Variants in CSMD1 observed in about 807,000 individuals in gnomAD.
CSMD1 encodes CUB and sushi domain-containing protein 1.
Under a neutral mutation model 417.5 loss-of-function variants are expected in CSMD1, and 213 were observed. The observed-to-expected ratio is 0.51, with a 90% CI of 0.46 to 0.57. CSMD1 has a LOEUF of 0.57. Among genes scored for constraint, CSMD1 ranks in the 20% least tolerant of loss-of-function variants. CSMD1 has a pLI of 0.00. For synonymous variants in CSMD1, 2,862 were observed against 1,736.8 expected (o/e 1.65, Z -16.11); for missense variants, 6,923 against 4,529.7 (o/e 1.53, Z -15.17).
At chr8:3,960,168 G>A (rs555194248) in intron 5 of CSMD1, among the ~76,000 whole-genome samples, 1 of 152,098 alleles carries the variant, frequency 6.6e-6, no homozygotes, top group Non-Finnish European at 1.5e-5. Context: ...GTATCTTCTT[G>A]TATGTTGCCT....
intron 3 of CSMD1, among the ~76,000 whole-genome samples, chr8:4,289,401 G>C (rs946348843): frequency 1.4e-4 from 6 of 42,372 alleles, no homozygotes; most frequent in Admixed American, 7.9e-4. Context: ...TTAAAGTAGA[G>C]GGAGCCAGGG....
At chr8:3,046,573 C>T (rs1404271200) in intron 50 of CSMD1, among the ~76,000 whole-genome samples, 2 of 152,180 alleles carry the variant, frequency 1.3e-5, no homozygotes, top group Non-Finnish European at 2.9e-5. Context: ...GTACAGGCTG[C>T]TGGAATGGAC....
intron 5 of CSMD1, among the ~76,000 whole-genome samples, chr8:3,806,318 A>C (rs1294168898): frequency 6.6e-6 from 1 of 152,156 alleles, no homozygotes; most frequent in South Asian, 2.1e-4. Flanking sequence ...TCTTTGGGTA[A>C]TTAATAGATT....
At chr8:4,702,094 A>G (rs766325685) in intron 1 of CSMD1, among the ~76,000 whole-genome samples, 5 of 152,150 alleles carry the variant, frequency 3.3e-5, no homozygotes, top group Non-Finnish European at 7.4e-5. Flanking sequence ...AACAACACAT[A>G]CTGGAGCCTG....
chr8:3,327,536 G>C (rs560860620), intron 23 of CSMD1, among the ~76,000 whole-genome samples: 9 of 152,218 alleles, frequency 5.9e-5, no homozygotes, highest in Middle Eastern at 3.4e-3. Context: ...TTTAATGTCT[G>C]TTAGAAATCA....
intron 11 of CSMD1, among the ~76,000 whole-genome samples, chr8:3,490,490 CAT>C (rs1818309361): frequency 1.3e-5 from 2 of 152,154 alleles, no homozygotes; most frequent in African/African-American, 4.8e-5. Flanking sequence ...ATTTTAGTGA[CAT>C]CCTCTCTTAA....
intron 12 of CSMD1, among the ~76,000 whole-genome samples, chr8:3,436,967 G>C (rs1037094214): frequency 1.1e-4 from 16 of 152,066 alleles, no homozygotes; most frequent in African/African-American, 3.9e-4. Context: ...AGAGAAAAAA[G>C]CATGCAAGAA....
chr8:3,513,157 C>G (rs1163684087), intron 10 of CSMD1, among the ~76,000 whole-genome samples: 1 of 151,514 alleles, frequency 6.6e-6, no homozygotes, highest in Admixed American at 6.6e-5. Context: ...ATGGATTCAG[C>G]TACAATGCCT....
chr8:4,633,313 C>G (rs753001289), intron 2 of CSMD1, among the ~76,000 whole-genome samples: 4 of 152,076 alleles, frequency 2.6e-5, no homozygotes, highest in South Asian at 4.2e-4. Context: ...GTGGTGCGAT[C>G]TCGGCTCACT....
At chr8:3,703,897 C>T (rs1214062560) in intron 7 of CSMD1, among the ~76,000 whole-genome samples, 3 of 152,012 alleles carry the variant, frequency 2.0e-5, no homozygotes, top group African/African-American at 4.8e-5. Context: ...GGTGAAACCC[C>T]ATCTCTACTG....
intron 4 of CSMD1, among the ~76,000 whole-genome samples, chr8:4,020,528 G>T (rs1011993527): frequency 6.6e-6 from 1 of 152,152 alleles, no homozygotes; most frequent in African/African-American, 2.4e-5. Context: ...CTGGATGGGT[G>T]AACATCTCAG....
At chr8:4,896,734 C>T (rs1015191384) in intron 1 of CSMD1, among the ~76,000 whole-genome samples, 3 of 151,970 alleles carry the variant, frequency 2.0e-5, no homozygotes, top group Admixed American at 6.6e-5. Context: ...GTGAGGAGTC[C>T]TCCGATTCTA....
rs759268228 is a variant in CSMD1 at position 4,530,314 on chromosome 8, CTTTTTTTTTTTT to C, written c.302+107016_302+107027del. ...TTCACAGTTTATCGTACAGGTAGTGCTTTTTTTTTTTTTTTTTTTTTTTTTTTTTTACTTTCA... is the reference window on the plus strand; with the variant it reads ...TTCACAGTTTATCGTACAGGTAGTGCTTTTTTTTTTTTTTTTTTACTTTCA... On this transcript the variant is annotated intron_variant, in intron 2 of 69. Coordinates refer to ENST00000635120, the MANE Select transcript of CSMD1 (RefSeq NM_033225.6). 2.6e-4 allele frequency among the ~76,000 whole-genome samples: 12 copies of C among 46,686 alleles called. 1 individual carries two copies. Among genetic ancestry groups the C allele is most frequent in the South Asian group, 2.8e-3 (2 of 706 alleles). 30.6% of individuals were successfully genotyped at this position (46,686 alleles called of 152,430 possible).
chr8:3,332,200 G>A (rs1055327456), intron 23 of CSMD1, among the ~76,000 whole-genome samples: 1 of 152,236 alleles, frequency 6.6e-6, no homozygotes, highest in African/African-American at 2.4e-5. Context: ...ACTACTGCTT[G>A]ATGGCATGAA....
intron 11 of CSMD1, among the ~76,000 whole-genome samples, chr8:3,484,581 T>C (rs1350147525): frequency 1.3e-5 from 2 of 152,166 alleles, no homozygotes; most frequent in African/African-American, 2.4e-5. Context: ...GGAAAGCCCA[T>C]AAACTAGACT....
At chr8:4,426,096 A>C (rs1166254317) in intron 2 of CSMD1, among the ~76,000 whole-genome samples, 1 of 151,924 alleles carries the variant, frequency 6.6e-6, no homozygotes, top group Non-Finnish European at 1.5e-5. Context: ...TTGAAAAAAA[A>C]AAAAATCTTA....
At chr8:4,696,196 A>G (rs1260810543) in intron 1 of CSMD1, among the ~76,000 whole-genome samples, 1 of 152,252 alleles carries the variant, frequency 6.6e-6, no homozygotes, top group African/African-American at 2.4e-5. Context: ...ATGTATGCAT[A>G]TAGGATATGT....
chr8:3,804,570 C>T (rs146333557), intron 5 of CSMD1, among the ~76,000 whole-genome samples: 321 of 152,128 alleles, frequency 2.1e-3, no homozygotes, highest in African/African-American at 7.4e-3. Flanking sequence ...AGTCACAGGT[C>T]CAATTTTTTC....
intron 5 of CSMD1, among the ~76,000 whole-genome samples, chr8:3,884,052 C>A (rs1806388960): frequency 6.6e-6 from 1 of 152,160 alleles, no homozygotes; most frequent in Admixed American, 6.6e-5. Flanking sequence ...ATTAACTTCT[C>A]TATCAGTGTT....
Sources: allele counts gnomAD v4.1 joint callset (sites outside exome capture counted in the v4.1 genomes callset), GRCh38; gene constraint gnomAD v4.1.1; transcripts MANE v1.5; gene names NCBI Gene and HGNC (gene_info 2026-07-23, HGNC 2026-07-21).